PARP8: variants seen among roughly 807,000 people sequenced by gnomAD.
PARP8 encodes the protein poly(ADP-ribose) polymerase family member 8, also known as protein mono-ADP-ribosyltransferase PARP8.
Under a neutral mutation model 124.1 loss-of-function variants are expected in PARP8, and 51 were observed. The ratio of observed to expected loss-of-function variants is 0.41; its 90% CI spans 0.33 to 0.52. The LOEUF (loss-of-function observed/expected upper bound fraction) is 0.52, where lower values mean the gene tolerates loss of function less well. PARP8 is among the 20% of genes least tolerant of loss of function. The pLI, the probability that PARP8 is intolerant of heterozygous loss-of-function variation, is 0.21. For missense variants in PARP8, 860 were observed against 1,018.9 expected (o/e 0.84, Z 2.12); for synonymous variants, 391 against 361.5 (o/e 1.08, Z -0.93).
intron 2 of PARP8, among the ~76,000 whole-genome samples, chr5:50,733,615 G>A (rs892375870): frequency 6.6e-6 from 1 of 152,084 alleles, no homozygotes; most frequent in Non-Finnish European, 1.5e-5. Flanking sequence ...GACAGAAATC[G>A]TGGTTGAATA....
chr5:50,746,670 A>T (rs574661920), intron 2 of PARP8, among the ~76,000 whole-genome samples: 15 of 152,128 alleles, frequency 9.9e-5, no homozygotes, highest in East Asian at 3.9e-4. Context: ...TGATATATAT[A>T]TTTTTTTCTG....
chr5:50,828,435 A>G (rs1210984283), intron 21 of PARP8, 51 bp downstream of exon 21: 1 of 1,503,036 alleles, frequency 6.7e-7, no homozygotes, highest in Non-Finnish European at 9.2e-7. Flanking sequence ...CAGAATTGAG[A>G]TTCAGTAAGC....
At chr5:50,790,396 G>A (rs1741812917) in intron 10 of PARP8, among the ~76,000 whole-genome samples, 1 of 152,076 alleles carries the variant, frequency 6.6e-6, no homozygotes, top group African/African-American at 2.4e-5. Flanking sequence ...AGATGAGCAT[G>A]GAGCCTGCCT....
intron 2 of PARP8, among the ~76,000 whole-genome samples, chr5:50,704,936 A>G (rs994960262): frequency 4.6e-5 from 7 of 152,178 alleles, no homozygotes; most frequent in African/African-American, 1.7e-4. Context: ...TAATGTGTAA[A>G]TTTAGAACTA....
At chr5:50,742,086 A>G in intron 2 of PARP8, 1 of 241,234 alleles carries the variant, frequency 4.1e-6, no homozygotes, top group South Asian at 4.1e-5. Context: ...CCGGGATTAC[A>G]GGCGTGAGCC....
At chr5:50,696,613 A>G (rs905663829) in intron 2 of PARP8, among the ~76,000 whole-genome samples, 3 of 152,096 alleles carry the variant, frequency 2.0e-5, no homozygotes, top group African/African-American at 7.2e-5. Context: ...CTTTGTCCTT[A>G]CTACTCTGAT....
At chr5:50,702,318 G>A (rs1753684453) in intron 2 of PARP8, among the ~76,000 whole-genome samples, 1 of 152,042 alleles carries the variant, frequency 6.6e-6, no homozygotes, top group African/African-American at 2.4e-5. Flanking sequence ...AACTTGATCT[G>A]TGATCCCTGA....
At chr5:50,695,642 T>C (rs1490488447) in intron 2 of PARP8, among the ~76,000 whole-genome samples, 1 of 152,094 alleles carries the variant, frequency 6.6e-6, no homozygotes, top group Non-Finnish European at 1.5e-5. Flanking sequence ...ATTTGCATCC[T>C]TGCTTCATTG....
intron 14 of PARP8, among the ~76,000 whole-genome samples, chr5:50,815,108 C>T (rs1260013021): frequency 6.6e-6 from 1 of 151,952 alleles, no homozygotes; most frequent in Admixed American, 6.6e-5. Context: ...ATTTTCTGTG[C>T]ATCTCATGTG....
At chr5:50,735,262 A>G (rs1040922675) in intron 2 of PARP8, among the ~76,000 whole-genome samples, 4 of 152,146 alleles carry the variant, frequency 2.6e-5, no homozygotes, top group Non-Finnish European at 5.9e-5. Context: ...TTTATAATCA[A>G]TGTTGCGAAT....
intron 9 of PARP8, among the ~76,000 whole-genome samples, chr5:50,782,805 TA>T (rs1180700217): frequency 3.3e-5 from 5 of 151,546 alleles, no homozygotes; most frequent in African/African-American, 4.9e-5. Flanking sequence ...GTATCTCAGG[TA>T]AAAAAAATAA....
intron 2 of PARP8, chr5:50,744,795 A>G (rs763958903): frequency 2.9e-6 from 2 of 700,804 alleles, no homozygotes; most frequent in South Asian, 3.0e-5. Context: ...TTTAAAAGGA[A>G]TTCAGAACTT....
Position 50,772,642 on chromosome 5 carries a change from G to A in PARP8, c.519-5427G>A, listed in dbSNP as rs1761740192. On this transcript the variant is annotated intron_variant, in intron 7 of 25. Coordinates refer to ENST00000281631, the MANE Select transcript of PARP8 (RefSeq NM_024615.4). ...TTTTTCATGTACCTGTTGGCCATTT[G>A]TATGTCTTTTGAGAAATGCACATTC... Among the ~76,000 whole-genome samples, 7 of 152,070 alleles carry A rather than the reference G, an allele frequency of 4.6e-5. No individual in the cohort carries two copies. In the South Asian group the frequency reaches 1.5e-3, roughly 32 times the overall value.
At chr5:50,715,582 T>C (rs938148631) in intron 2 of PARP8, among the ~76,000 whole-genome samples, 3 of 151,938 alleles carry the variant, frequency 2.0e-5, no homozygotes, top group Admixed American at 6.6e-5. Flanking sequence ...ACAGATAACA[T>C]GATTAATCAA....
At chr5:50,782,876 G>A (rs182971035) in intron 9 of PARP8, among the ~76,000 whole-genome samples, 4 of 152,170 alleles carry the variant, frequency 2.6e-5, no homozygotes, top group African/African-American at 9.7e-5. Flanking sequence ...GGATGGTGAG[G>A]CTCATCAGAG....
In PARP8 at chr5:50,763,327, T is replaced by C; in HGVS notation, c.518+85T>C. 2.8e-6 allele frequency: 3 copies of C among 1,088,648 alleles called. No homozygotes were observed. The East Asian group carries it at 7.5e-5, about 27-fold the overall frequency. 67.4% of individuals were successfully genotyped at this position (1,088,648 alleles called of 1,614,324 possible). ...TTTTGGAGTAATTTAAAGGAAAAAT[T>C]TGGGGTTTTAATTGTATTTTAAAGT... On this transcript the variant is annotated intron_variant, in intron 7 of 25. Transcript: ENST00000281631.
chr5:50,750,592 AT>A (rs1759131815), intron 3 of PARP8, among the ~76,000 whole-genome samples: 1 of 152,084 alleles, frequency 6.6e-6, no homozygotes, highest in Admixed American at 6.6e-5. Flanking sequence ...TCTTTTTAGT[AT>A]TAAAAAATAG....
chr5:50,838,608 A>C (rs1747839082), intron 25 of PARP8, among the ~76,000 whole-genome samples: 1 of 152,076 alleles, frequency 6.6e-6, no homozygotes, highest in African/African-American at 2.4e-5. Context: ...CATACTATTT[A>C]TACCATATTC....
rs1749432588 is a variant in PARP8, at chr5:50,667,432, G to C, written c.91+246G>C. ...TGAGGGCAGAGCCCGCGTGGCCGGA[G>C]CGGGGGTCTAGGCGAAGGGGCAGTG... On this transcript the variant is annotated intron_variant, in intron 1 of 25. Transcript: ENST00000281631. 7 of 701,330 alleles carry C rather than the reference G, an allele frequency of 1.0e-5. No homozygotes were observed. The South Asian group carries it at 1.0e-4, about 10-fold the overall frequency. The allele number at this position is 701,330 out of a possible 1,614,324, so 43.4% of individuals were successfully genotyped here. A position where few individuals can be genotyped will look rare whatever the true frequency, so the allele number is the denominator to read the frequency against.
Sources: gnomAD v4.1 joint callset for allele counts (sites outside exome capture counted in the v4.1 genomes callset) on GRCh38, gnomAD v4.1.1 for gene constraint, MANE v1.5 for transcripts, NCBI Gene and HGNC (gene_info 2026-07-23, HGNC 2026-07-21) for gene names.